Variants in KIR2DL3 observed in about 807,000 individuals in gnomAD.
KIR2DL3 encodes the protein killer cell immunoglobulin like receptor, two Ig domains and long cytoplasmic tail 3.
KIR2DL3 carries 39 observed loss-of-function variants against 33.8 expected under a neutral mutation model. That is an observed-to-expected ratio of 1.15 (90% CI 0.89 to 1.51). The LOEUF (loss-of-function observed/expected upper bound fraction) is 1.51, where lower values mean the gene tolerates loss of function less well. Among genes scored for constraint, KIR2DL3 ranks in the 40% most tolerant of loss-of-function variants. The pLI is 0.00. For missense variants in KIR2DL3, 462 were observed against 426.2 expected (o/e 1.08, Z -0.74); for synonymous variants, 174 against 160.2 (o/e 1.09, Z -0.65).
chr19:54,748,746 C>T (rs1217954134), intron 5 of KIR2DL3, among the ~76,000 whole-genome samples: 8 of 143,986 alleles, frequency 5.6e-5, no homozygotes, highest in Non-Finnish European at 7.6e-5. Context: ...CTCCGCCTCT[C>T]GAGTAGCTGG....
At chr19:54,744,466 T>C (rs2071877294) in intron 4 of KIR2DL3, among the ~76,000 whole-genome samples, 1 of 152,168 alleles carries the variant, frequency 6.6e-6, no homozygotes, top group African/African-American at 2.4e-5. Context: ...CCTACACCCT[T>C]TACTTTTGTT....
intron 1 of KIR2DL3, among the ~76,000 whole-genome samples, chr19:54,738,919 TG>T (rs2070369181): frequency 1.3e-5 from 1 of 75,768 alleles, no homozygotes; most frequent in Admixed American, 1.6e-4. Flanking sequence ...AGTGGAGATA[TG>T]GGCCTGGAGG....
chr19:54,742,053 A>G lies in KIR2DL3; in HGVS notation c.144A>G (p.Gln48=), dbSNP rs767937011. ...AATCAGAAGAGACAGTCATCCTGCAATGTTGGTCAGATGTCAGGTTTCAGC... is the reference window on the plus strand; with the variant it reads ...AATCAGAAGAGACAGTCATCCTGCAGTGTTGGTCAGATGTCAGGTTTCAGC... The part of the protein sequence containing the change: ...LVKSEETVIL[Q]CWSDVRFQHF... The change falls in exon 3 of 8, where the codon CAA becomes CAG. Residue 48 remains glutamine (Q), a synonymous_variant. Coordinates refer to ENST00000342376, the MANE Select transcript of KIR2DL3 (RefSeq NM_015868.3). The G allele has an allele frequency of 1.7e-5, 28 of 1,613,110 alleles. No individual in the cohort carries two copies. Among genetic ancestry groups the G allele is most frequent in the Admixed American group, 3.3e-5 (2 of 59,916 alleles).
In KIR2DL3 at chr19:54,742,577, C is replaced by G. The variant is rs1555899260; in HGVS notation, c.370+298C>G. 8.3e-3 allele frequency among the ~76,000 whole-genome samples: 1,225 copies of G among 147,890 alleles called. 13 individuals carry two copies. Among genetic ancestry groups the G allele is most frequent in the African/African-American group, 0.02 (761 of 38,700 alleles). On this transcript the variant is annotated intron_variant, in intron 3 of 7. Transcript: ENST00000342376. ...TGTCCCTCCATGCTGACTTTGCTCA[C>G]AGACCTGGCACAGGTTAGAAGTTTC...
chr19:54,738,717 G>A lies in KIR2DL3; in HGVS notation c.34+138G>A, dbSNP rs766657143. On this transcript the variant is annotated intron_variant, in intron 1 of 7. Coordinates refer to ENST00000342376, the MANE Select transcript of KIR2DL3 (RefSeq NM_015868.3). ...CTAGAAGTGGAGATCTGGGCCTGGA[G>A]TGGAGATCTGGGCCTGGAGTGGAGA... The A allele has an allele frequency of 2.9e-4, 401 of 1,378,008 alleles. 2 individuals carry two copies. Among genetic ancestry groups the A allele is most frequent in the Middle Eastern group, 7.4e-4 (4 of 5,432 alleles). 85.4% of individuals were successfully genotyped at this position (1,378,008 alleles called of 1,614,324 possible).
intron 5 of KIR2DL3, among the ~76,000 whole-genome samples, chr19:54,750,910 G>A: frequency 7.5e-6 from 1 of 133,362 alleles, no homozygotes; most frequent in Admixed American, 7.8e-5. Context: ...GGAGCCACAG[G>A]AAGCACTCAG....
intron 7 of KIR2DL3, 36 bp downstream of exon 7, chr19:54,752,304 TA>T: frequency 6.7e-7 from 1 of 1,482,712 alleles, no homozygotes; most frequent in East Asian, 2.3e-5. Context: ...TGGCTAGTGT[TA>T]TTCCCAAAGA....
chr19:54,743,871 C>G lies in KIR2DL3; in HGVS notation c.447C>G (p.Cys149Trp). ...VLAGESVTLS[C>W]SSRSSYDMYH... Reference sequence around the variant, plus strand: ...CAGGAGAGAGCGTGACCTTGTCCTGCAGCTCCCGGAGCTCCTATGACATGT... The same window carrying G: ...CAGGAGAGAGCGTGACCTTGTCCTGGAGCTCCCGGAGCTCCTATGACATGT... Residue 149 changes from cysteine (C) to tryptophan (W), a missense_variant, in exon 4 of 8, where the codon TGC becomes TGG. By Grantham distance (215) the Cys-to-Trp change is radical (BLOSUM62 -2). Transcript: ENST00000342376. The G allele has an allele frequency of 6.2e-7, 1 of 1,609,434 alleles. No homozygotes were observed. The highest frequency in any genetic ancestry group is 8.5e-7 in the Non-Finnish European group (1 of 1,176,008).
Position 54,743,793 on chromosome 19 carries a change from A to C in KIR2DL3, c.371-2A>C. The C allele has an allele frequency of 1.3e-6, 2 of 1,577,556 alleles. No individual in the cohort carries two copies. The highest frequency in any genetic ancestry group is 1.7e-6 in the Non-Finnish European group (2 of 1,163,204). ...GTAAGGAAAATGCCTCTTCTCCTCC[A>C]GGTCTATATGAGAAACCTTCTCTCT... is the stretch of plus-strand genomic sequence containing the variant. On this transcript the variant is annotated splice_acceptor_variant, in intron 3 of 7. Transcript: ENST00000342376. LOFTEE classifies it high-confidence loss of function.
chr19:54,742,292 G>T lies in KIR2DL3; in HGVS notation c.370+13G>T, dbSNP rs772717338. ...ATCGTCATCACAGGTGAGAGTGTCC[G>T]GACATTCTCATTGTCATTGGGATGC... On this transcript the variant is annotated intron_variant, in intron 3 of 7. Coordinates refer to ENST00000342376, the MANE Select transcript of KIR2DL3 (RefSeq NM_015868.3). 2 of 1,588,518 alleles carry T rather than the reference G, an allele frequency of 1.3e-6. No individual in the cohort carries two copies. The highest frequency in any genetic ancestry group is 1.7e-5 in the Admixed American group (1 of 59,806).
At chr19:54,738,854 TAG>T (rs2070325565) in intron 1 of KIR2DL3, among the ~76,000 whole-genome samples, 1 of 78,368 alleles carries the variant, frequency 1.3e-5, no homozygotes, top group Non-Finnish European at 2.5e-5. Flanking sequence ...GGGCCTGCAG[TAG>T]AGATAGGGGC....
Position 54,752,641 on chromosome 19 carries a change from A to T in KIR2DL3, c.*122A>T. 7.8e-7 allele frequency: 1 copy of T among 1,278,642 alleles called. No individual in the cohort carries two copies. Among genetic ancestry groups the T allele is most frequent in the Non-Finnish European group, 1.1e-6 (1 of 910,892 alleles). 79.2% of individuals were successfully genotyped at this position (1,278,642 alleles called of 1,614,324 possible). On this transcript the variant is annotated 3_prime_UTR_variant, in exon 8 of 8. Coordinates refer to ENST00000342376, the MANE Select transcript of KIR2DL3 (RefSeq NM_015868.3). ...CAATGTACCAGCAGCTGGAATCTGA[A>T]GGCGTGAGTCTGCATCTTAGGGCAT...
intron 2 of KIR2DL3, among the ~76,000 whole-genome samples, chr19:54,740,117 T>C (rs1275114164): frequency 6.6e-6 from 1 of 152,134 alleles, no homozygotes; most frequent in African/African-American, 2.4e-5. Context: ...GGAGACACCA[T>C]GTCTTTGCGG....
chr19:54,745,655 C>A (rs2072359174), intron 4 of KIR2DL3, among the ~76,000 whole-genome samples: 1 of 151,660 alleles, frequency 6.6e-6, no homozygotes. Flanking sequence ...TGATCCACCT[C>A]ACCCAACCTC....
chr19:54,741,271 CAG>C (rs1380207174), intron 2 of KIR2DL3, among the ~76,000 whole-genome samples: 1 of 151,262 alleles, frequency 6.6e-6, no homozygotes, highest in Non-Finnish European at 1.5e-5. Flanking sequence ...ACCCAGGAGA[CAG>C]AGGTTGCAGT....
In KIR2DL3 at chr19:54,747,016, C is replaced by T. The variant is rs186368112; in HGVS notation, c.665-319C>T. On this transcript the variant is annotated intron_variant, in intron 4 of 7. Transcript: ENST00000342376. ...AAGAAAAAAACATTGGAGGTAAATG[C>T]ATGGATTATATCTGTGTTCTTCATT... 4.9e-3 allele frequency among the ~76,000 whole-genome samples: 691 copies of T among 141,718 alleles called. 32 individuals are homozygous for T. The highest frequency in any genetic ancestry group is 0.017 in the African/African-American group (659 of 38,466). 93.0% of individuals were successfully genotyped at this position (141,718 alleles called of 152,430 possible).
intron 1 of KIR2DL3, 102 bp downstream of exon 1, chr19:54,738,681 G>C (rs1187935103): frequency 6.3e-7 from 1 of 1,579,534 alleles, no homozygotes; most frequent in East Asian, 2.2e-5. Context: ...CCTAGAGATG[G>C]AGTGATGGGC....
chr19:54,752,807 C>T lies in KIR2DL3; in HGVS notation c.*288C>T. On this transcript the variant is annotated 3_prime_UTR_variant, in exon 8 of 8. Transcript: ENST00000342376. ...TTTCACTTGACCCCTGCCCACCTCTCCAACCTAACTGGCTTACTTCCTAGT... is the reference window on the plus strand; with the variant it reads ...TTTCACTTGACCCCTGCCCACCTCTTCAACCTAACTGGCTTACTTCCTAGT... The T allele has an allele frequency of 3.9e-6, 2 of 514,894 alleles. No homozygotes were observed. Among genetic ancestry groups the T allele is most frequent in the Admixed American group, 3.4e-5 (1 of 29,324 alleles). The allele number at this position is 514,894 out of a possible 1,614,324, so 31.9% of individuals were successfully genotyped here. A position where few individuals can be genotyped will look rare whatever the true frequency, so the allele number is the denominator to read the frequency against.
chr19:54,744,259 A>T (rs200604379), intron 4 of KIR2DL3, among the ~76,000 whole-genome samples, 171 bp downstream of exon 4: 1 of 151,954 alleles, frequency 6.6e-6, no homozygotes, highest in African/African-American at 2.4e-5. Flanking sequence ...AAACCCTCCT[A>T]CACGGCCTGC....
Sources: gnomAD v4.1 joint callset for allele counts (sites outside exome capture counted in the v4.1 genomes callset) on GRCh38, gnomAD v4.1.1 for gene constraint, MANE v1.5 for transcripts, NCBI Gene and HGNC (gene_info 2026-07-23, HGNC 2026-07-21) for gene names.